The following HCN1 variants were observed in gnomAD, a reference collection of about 807,000 sequenced individuals.
HCN1 encodes the protein potassium/sodium hyperpolarization-activated cyclic nucleotide-gated channel 1.
In HCN1, 13 loss-of-function variants were observed where a neutral mutation model predicts 78.9. The ratio of observed to expected loss-of-function variants is 0.16; its 90% CI spans 0.11 to 0.26. HCN1 has a LOEUF of 0.26. Ranked by LOEUF, HCN1 falls within the 10% of genes least tolerant of loss-of-function variation. The pLI is 1.00. For synonymous variants in HCN1, 552 were observed against 455.5 expected, an observed-to-expected ratio of 1.21 and a Z score of -2.70; for missense variants, 810 against 1,154.3, an observed-to-expected ratio of 0.70 and a Z score of 4.32.
At chr5:45,461,342 G>A (rs989485908) in intron 3 of HCN1, among the ~76,000 whole-genome samples, 6 of 151,742 alleles carry the variant, frequency 4.0e-5, no homozygotes, top group Admixed American at 6.6e-5. Context: ...CCTTTTCCCC[G>A]AAGTTTTCCT....
intron 5 of HCN1, among the ~76,000 whole-genome samples, chr5:45,322,727 C>A (rs1427709351): frequency 1.3e-5 from 2 of 151,724 alleles, no homozygotes; most frequent in African/African-American, 2.4e-5. Context: ...TGTCAGTGCT[C>A]AAAAAGTTTC....
At chr5:45,545,444 T>G (rs6878258) in intron 2 of HCN1, among the ~76,000 whole-genome samples, 3,538 of 152,240 alleles carry the variant, frequency 0.023, 100 homozygotes, top group African/African-American at 0.068. Flanking sequence ...AGAAGCTCTT[T>G]AGTTTAATTA....
At chr5:45,539,673 A>G (rs1242126626) in intron 2 of HCN1, among the ~76,000 whole-genome samples, 2 of 149,736 alleles carry the variant, frequency 1.3e-5, no homozygotes, top group Non-Finnish European at 3.0e-5. Flanking sequence ...TCAAAAGAAA[A>G]GAAAGAAAAC....
rs1744709341 is a variant in HCN1, at chr5:45,260,460, GT to G, written c.*1460del. ...ACGTTCAACTTTACCCCTGCTTTCTGTCACCATGTCTGTACTATTTTCAACA... is the reference window on the plus strand; with the variant it reads ...ACGTTCAACTTTACCCCTGCTTTCTGCACCATGTCTGTACTATTTTCAACA... On this transcript the variant is annotated 3_prime_UTR_variant, in exon 8 of 8. Transcript: ENST00000303230. 6.6e-6 allele frequency: 1 copy of G among 152,166 alleles called. No homozygotes were observed. Among genetic ancestry groups the G allele is most frequent in the South Asian group, 2.1e-4 (1 of 4,834 alleles). The allele number at this position is 152,166 out of a possible 1,614,324, so 9.4% of individuals were successfully genotyped here. A position where few individuals can be genotyped will look rare whatever the true frequency, so the allele number is the denominator to read the frequency against.
intron 2 of HCN1, among the ~76,000 whole-genome samples, chr5:45,572,789 A>G (rs1368396570): frequency 6.6e-6 from 1 of 152,190 alleles, no homozygotes; most frequent in Non-Finnish European, 1.5e-5. Context: ...AGCACTGAAC[A>G]CAAGCCCTTC....
chr5:45,274,193 G>A (rs757262329), intron 6 of HCN1, among the ~76,000 whole-genome samples: 2 of 151,972 alleles, frequency 1.3e-5, no homozygotes, highest in African/African-American at 4.8e-5. Flanking sequence ...TTTACTAAGG[G>A]TATAACTAGT....
At chr5:45,376,805 C>T (rs1747690460) in intron 4 of HCN1, among the ~76,000 whole-genome samples, 2 of 151,814 alleles carry the variant, frequency 1.3e-5, no homozygotes, top group African/African-American at 4.8e-5. Flanking sequence ...CACTTTTTTT[C>T]TGTGAATTAT....
chr5:45,510,314 T>C (rs1273981566), intron 2 of HCN1, among the ~76,000 whole-genome samples: 1 of 152,076 alleles, frequency 6.6e-6, no homozygotes, highest in Non-Finnish European at 1.5e-5. Flanking sequence ...AACATTTTTT[T>C]CAGAAACATG....
At chr5:45,372,754 C>T (rs988864842) in intron 4 of HCN1, among the ~76,000 whole-genome samples, 20 of 141,412 alleles carry the variant, frequency 1.4e-4, no homozygotes, top group African/African-American at 4.6e-4. Flanking sequence ...TATACGTATT[C>T]TATACACAAA....
intron 2 of HCN1, among the ~76,000 whole-genome samples, chr5:45,539,533 C>T (rs1396805966): frequency 6.6e-6 from 1 of 150,420 alleles, no homozygotes; most frequent in Non-Finnish European, 1.5e-5. Context: ...GGCGTGGTGG[C>T]GGGCACCTGT....
At position 45,262,613 on chromosome 5, in the gene HCN1, T is replaced by A. The variant is rs1744772554; in HGVS notation, c.1981A>T (p.Arg661Trp). The change falls in exon 8 of 8, where the codon AGG (arginine) becomes TGG (tryptophan). Residue 661 changes from arginine (R) to tryptophan (W), a missense_variant. Arg to Trp is a moderately radical substitution (Grantham distance 101). This residue lies in a region of HCN1 where 398 missense variants were observed against 381.3 expected (regional missense o/e 1.04). Transcript: ENST00000303230. ...GTGTACACCGGTGGAGATTGTGTCC[T>A]CATGCGGGAGGTCGGGGTCGTAGTA... ...SSTTTPTSRMRTQSPPVYTAT... is the reference protein window; with the variant it reads ...SSTTTPTSRMWTQSPPVYTAT... 11 of 1,613,912 alleles carry A rather than the reference T, an allele frequency of 6.8e-6. No individual in the cohort carries two copies. Among genetic ancestry groups the A allele is most frequent in the Non-Finnish European group, 9.3e-6 (11 of 1,179,984 alleles).
At chr5:45,458,896 C>T (rs1210584603) in intron 3 of HCN1, among the ~76,000 whole-genome samples, 2 of 151,998 alleles carry the variant, frequency 1.3e-5, no homozygotes, top group Non-Finnish European at 2.9e-5. Flanking sequence ...ATGCAGGGTG[C>T]TTTTGTTCTC....
At chr5:45,285,160 A>G (rs977804774) in intron 6 of HCN1, among the ~76,000 whole-genome samples, 1 of 151,878 alleles carries the variant, frequency 6.6e-6, no homozygotes, top group Non-Finnish European at 1.5e-5. Flanking sequence ...TTTTCCTTCA[A>G]TTTGCCATCT....
At chr5:45,287,744 C>T (rs973847489) in intron 6 of HCN1, among the ~76,000 whole-genome samples, 1 of 152,030 alleles carries the variant, frequency 6.6e-6, no homozygotes, top group Admixed American at 6.6e-5. Context: ...ATTTTCATTG[C>T]TATAGGATTA....
At chr5:45,540,444 T>C (rs1743080583) in intron 2 of HCN1, among the ~76,000 whole-genome samples, 2 of 151,906 alleles carry the variant, frequency 1.3e-5, no homozygotes, top group Non-Finnish European at 2.9e-5. Context: ...TTCTCCCAGC[T>C]CAGCCTCCCA....
rs1740003977 is a variant in HCN1, at chr5:45,695,960, C to T, written c.134G>A (p.Gly45Asp). Residue 45 changes from glycine (G) to aspartate (D), a missense_variant, in exon 1 of 8, where the codon GGC (glycine) becomes GAC (aspartate). This residue lies in a region of HCN1 where 170 missense variants were observed against 166.8 expected (regional missense o/e 1.02). Transcript: ENST00000303230. ...GTGCTCCTTCGCGCCGGCCCCGCCG[C>T]CCCCCGGCGGGGTGCCCAGGCGCTT... is the stretch of plus-strand genomic sequence containing the variant. Reference protein sequence around the residue: ...AEKRLGTPPGGGGAGAKEHGN... With the variant: ...AEKRLGTPPGDGGAGAKEHGN... The T allele has an allele frequency of 3.0e-6, 4 of 1,330,610 alleles. No individual in the cohort carries two copies. Among genetic ancestry groups the T allele is most frequent in the South Asian group, 4.0e-5 (2 of 50,250 alleles). 82.4% of individuals were successfully genotyped at this position (1,330,610 alleles called of 1,614,324 possible).
At chr5:45,682,035 C>A (rs1461813627) in intron 1 of HCN1, among the ~76,000 whole-genome samples, 1 of 151,666 alleles carries the variant, frequency 6.6e-6, no homozygotes, top group South Asian at 2.1e-4. Flanking sequence ...GTTTGGTGCC[C>A]TCCTAAAAGA....
chr5:45,288,611 C>T (rs1745314106), intron 6 of HCN1, among the ~76,000 whole-genome samples: 1 of 151,962 alleles, frequency 6.6e-6, no homozygotes. Context: ...ATGCTGCCTC[C>T]TAATCCTTTT....
At chr5:45,277,253 A>C (rs1232130776) in intron 6 of HCN1, among the ~76,000 whole-genome samples, 8 of 152,120 alleles carry the variant, frequency 5.3e-5, no homozygotes, top group Non-Finnish European at 1.2e-4. Context: ...ATACAGGCAT[A>C]TTTATCTATA....
Sources: gnomAD v4.1 joint callset for allele counts (sites outside exome capture counted in the v4.1 genomes callset) on GRCh38, gnomAD v4.1.1 for gene constraint, gnomAD v4.1.1 regional missense constraint, MANE v1.5 for transcripts, NCBI Gene and HGNC (gene_info 2026-07-23, HGNC 2026-07-21) for gene names.